Variants in FAM241A observed in about 807,000 individuals in gnomAD.
The protein encoded by FAM241A is family with sequence similarity 241 member A.
FAM241A carries 7 observed loss-of-function variants against 12.2 expected under a neutral mutation model. The observed-to-expected ratio is 0.58, with a 90% confidence interval of 0.33 to 1.08. The LOEUF (loss-of-function observed/expected upper bound fraction) is 1.08. Ranked by LOEUF, FAM241A falls within the 50% of genes least tolerant of loss-of-function variation. FAM241A has a pLI of 0.04. For synonymous variants in FAM241A, 74 were observed against 68.2 expected, an observed-to-expected ratio of 1.08 and a Z score of -0.42; for missense variants, 161 against 169.7, an observed-to-expected ratio of 0.95 and a Z score of 0.29.
At chr4:112,174,255 T>C (rs1723778214) in intron 1 of FAM241A, among the ~76,000 whole-genome samples, 2 of 152,082 alleles carry the variant, frequency 1.3e-5, no homozygotes, top group Admixed American at 6.5e-5. Context: ...CCAGGAGAGG[T>C]AACCCAGAAA....
intron 1 of FAM241A, among the ~76,000 whole-genome samples, chr4:112,167,531 T>G (rs1296810620): frequency 1.3e-5 from 2 of 152,172 alleles, no homozygotes; most frequent in Non-Finnish European, 2.9e-5. Flanking sequence ...CATGTAGAAA[T>G]GTTGAATATG....
intron 1 of FAM241A, among the ~76,000 whole-genome samples, chr4:112,158,857 T>C (rs1180824370): frequency 3.3e-5 from 5 of 152,180 alleles, no homozygotes; most frequent in Admixed American, 6.5e-5. Context: ...AAATATTCTC[T>C]TCTAGCTTTT....
rs1419829423 is a variant in FAM241A at position 112,187,510 on chromosome 4, G to A, written c.*572G>A. 6.6e-6 allele frequency: 1 copy of A among 152,384 alleles called. No homozygotes were observed. The highest frequency in any genetic ancestry group is 1.5e-5 in the Non-Finnish European group (1 of 67,946). The allele number at this position is 152,384 out of a possible 1,614,324, so 9.4% of individuals were successfully genotyped here. A position where few individuals can be genotyped will look rare whatever the true frequency, so the allele number is the denominator to read the frequency against. ...TGATGAAAATCAGTAAAGATAGAACGTTTTCTAAAGGTCAAAAATAATATA... is the reference window on the plus strand; with the variant it reads ...TGATGAAAATCAGTAAAGATAGAACATTTTCTAAAGGTCAAAAATAATATA... On this transcript the variant is annotated 3_prime_UTR_variant, in exon 2 of 2. Coordinates refer to ENST00000309733, the MANE Select transcript of FAM241A (RefSeq NM_152400.3).
At chr4:112,163,952 A>C (rs1357110799) in intron 1 of FAM241A, among the ~76,000 whole-genome samples, 1 of 152,250 alleles carries the variant, frequency 6.6e-6, no homozygotes, top group African/African-American at 2.4e-5. Flanking sequence ...TGATGAGTTC[A>C]TCTCCTTTGT....
intron 1 of FAM241A, among the ~76,000 whole-genome samples, chr4:112,157,525 A>G (rs1723378667): frequency 6.6e-6 from 1 of 152,056 alleles, no homozygotes; most frequent in Admixed American, 6.6e-5. Flanking sequence ...AGGGATATGT[A>G]TGTCTCTTTA....
chr4:112,161,339 C>CA (rs1011871708), intron 1 of FAM241A, among the ~76,000 whole-genome samples: 8 of 151,828 alleles, frequency 5.3e-5, no homozygotes, highest in Non-Finnish European at 1.2e-4. Context: ...GATACAGACA[C>CA]AAAAAACCTT....
At chr4:112,167,776 A>G (rs531168029) in intron 1 of FAM241A, among the ~76,000 whole-genome samples, 4 of 152,352 alleles carry the variant, frequency 2.6e-5, no homozygotes, top group South Asian at 2.1e-4. Flanking sequence ...TACTCTTGAT[A>G]AGCATTCAAT....
At chr4:112,180,910 G>A (rs1723930235) in intron 1 of FAM241A, among the ~76,000 whole-genome samples, 1 of 152,128 alleles carries the variant, frequency 6.6e-6, no homozygotes, top group Non-Finnish European at 1.5e-5. Context: ...TAATTCTTAT[G>A]GAAGCAATAG....
At chr4:112,147,728 T>C (rs1393651486) in intron 1 of FAM241A, among the ~76,000 whole-genome samples, 6 of 152,210 alleles carry the variant, frequency 3.9e-5, no homozygotes, top group Non-Finnish European at 8.8e-5. Context: ...GGTTTAAGGA[T>C]ACAAGGACTC....
chr4:112,173,829 C>T (rs1157887683), intron 1 of FAM241A, among the ~76,000 whole-genome samples: 1 of 152,092 alleles, frequency 6.6e-6, no homozygotes, highest in African/African-American at 2.4e-5. Context: ...AAGTAATGTC[C>T]AGAAATAACC....
chr4:112,175,847 G>A (rs1038854687), intron 1 of FAM241A, among the ~76,000 whole-genome samples: 4 of 151,916 alleles, frequency 2.6e-5, no homozygotes, highest in East Asian at 3.9e-4. Context: ...ACCAACACGT[G>A]GACTAAAAGC....
At chr4:112,146,398 A>G (rs1430621925) in intron 1 of FAM241A, among the ~76,000 whole-genome samples, 2 of 152,218 alleles carry the variant, frequency 1.3e-5, no homozygotes, top group Non-Finnish European at 2.9e-5. Context: ...GAAGTTGCGT[A>G]ATTTTTTAAA....
intron 1 of FAM241A, among the ~76,000 whole-genome samples, chr4:112,174,889 T>G (rs532250281): frequency 6.6e-6 from 1 of 152,220 alleles, no homozygotes; most frequent in Non-Finnish European, 1.5e-5. Context: ...CCCTTACTCC[T>G]TGGAAACCAG....
intron 1 of FAM241A, among the ~76,000 whole-genome samples, chr4:112,166,662 G>A (rs1442209011): frequency 2.0e-5 from 3 of 152,160 alleles, no homozygotes; most frequent in Non-Finnish European, 2.9e-5. Flanking sequence ...GTCCTCTGGT[G>A]TCAGTTAGAC....
chr4:112,152,457 G>C (rs1267160092), intron 1 of FAM241A, among the ~76,000 whole-genome samples: 1 of 152,168 alleles, frequency 6.6e-6, no homozygotes, highest in Non-Finnish European at 1.5e-5. Flanking sequence ...TATTCCAATA[G>C]ATAGGTTAAA....
chr4:112,194,567 G>A lies in FAM241A; in HGVS notation c.*7629G>A, dbSNP rs1724230420. On this transcript the variant is annotated 3_prime_UTR_variant, in exon 2 of 2. Coordinates refer to ENST00000309733, the MANE Select transcript of FAM241A (RefSeq NM_152400.3). ...AGAGTTTTTAGCATGAAGCGTTGTT[G>A]AATTTTGTCAAAGGCCTTTTCTGCA... is the stretch of plus-strand genomic sequence containing the variant. 6.6e-6 allele frequency: 1 copy of A among 152,080 alleles called. No homozygotes were observed. Among genetic ancestry groups the A allele is most frequent in the Non-Finnish European group, 1.5e-5 (1 of 68,018 alleles). The allele number at this position is 152,080 out of a possible 1,614,324, so 9.4% of individuals were successfully genotyped here.
At chr4:112,160,759 A>G (rs1408810864) in intron 1 of FAM241A, among the ~76,000 whole-genome samples, 1 of 152,240 alleles carries the variant, frequency 6.6e-6, no homozygotes, top group Non-Finnish European at 1.5e-5. Flanking sequence ...CCACACACCT[A>G]TAGTGATCAC....
At chr4:112,163,466 A>G (rs1723523708) in intron 1 of FAM241A, among the ~76,000 whole-genome samples, 1 of 152,244 alleles carries the variant, frequency 6.6e-6, no homozygotes. Flanking sequence ...CTTACAAGAA[A>G]AAAATCAAAC....
intron 1 of FAM241A, among the ~76,000 whole-genome samples, chr4:112,156,403 T>G (rs942823345): frequency 1.3e-5 from 2 of 152,154 alleles, no homozygotes; most frequent in Non-Finnish European, 2.9e-5. Flanking sequence ...TCCTCATAGC[T>G]CTTCTTGCTA....
Sources: gnomAD v4.1 joint callset for allele counts (sites outside exome capture counted in the v4.1 genomes callset) on GRCh38, gnomAD v4.1.1 for gene constraint, MANE v1.5 for transcripts, NCBI Gene and HGNC (gene_info 2026-07-23, HGNC 2026-07-21) for gene names.